CPSF7: variants seen among roughly 807,000 people sequenced by gnomAD.
CPSF7 encodes cleavage and polyadenylation specific factor 7.
CPSF7 carries 1 observed loss-of-function variant against 44.3 expected under a neutral mutation model. The observed-to-expected ratio is 0.02, with a 90% CI of 0.01 to 0.11. The LOEUF is 0.11. CPSF7 is among the 10% of genes least tolerant of loss of function. The pLI is 1.00. For synonymous variants in CPSF7, 202 were observed against 222.0 expected (o/e 0.91, Z 0.80); for missense variants, 443 against 607.2 (o/e 0.73, Z 2.84).
intron 9 of CPSF7, among the ~76,000 whole-genome samples, chr11:61,409,575 G>A (rs1228354073): frequency 1.3e-5 from 2 of 152,048 alleles, no homozygotes; most frequent in African/African-American, 4.8e-5. Flanking sequence ...CCACCACAAA[G>A]CCTCTAAACC....
intron 6 of CPSF7, 121 bp downstream of exon 6, chr11:61,415,984 T>C (rs767361161): frequency 4.9e-6 from 5 of 1,028,988 alleles, no homozygotes; most frequent in Non-Finnish European, 7.1e-6. Context: ...GTCAATGCTA[T>C]GATAACAGAA....
At chr11:61,429,505 A>G (rs1565123803) in intron 1 of CPSF7, 27 of 526,032 alleles carry the variant, frequency 5.1e-5, no homozygotes, top group East Asian at 4.3e-4. Flanking sequence ...CGACCCGGGT[A>G]GCGCCGCGTC....
At chr11:61,418,089 A>G (rs1348752374) in intron 5 of CPSF7, among the ~76,000 whole-genome samples, 2 of 152,238 alleles carry the variant, frequency 1.3e-5, no homozygotes, top group East Asian at 3.8e-4. Context: ...TTGTCAAGGA[A>G]GAAGAGTGTG....
chr11:61,426,853 C>A (rs1355165029), intron 2 of CPSF7: 1 of 152,118 alleles, frequency 6.6e-6, no homozygotes, highest in Non-Finnish European at 1.5e-5. Flanking sequence ...TGGTGAAACC[C>A]CGTCTCTACT....
chr11:61,411,232 T>A lies in CPSF7; in HGVS notation c.1227-127A>T. 4.2e-6 allele frequency: 4 copies of A among 946,764 alleles called. No individual in the cohort carries two copies. The East Asian group carries it at 1.1e-4, about 25-fold the overall frequency. The allele number at this position is 946,764 out of a possible 1,614,324, so 58.6% of individuals were successfully genotyped here. A position where few individuals can be genotyped will look rare whatever the true frequency, so the allele number is the denominator to read the frequency against. On this transcript the variant is annotated intron_variant, in intron 8 of 9. Coordinates refer to ENST00000439958, the MANE Select transcript of CPSF7 (RefSeq NM_001142565.3). Reference sequence around the variant, plus strand: ...ATTACTCTATCATGGGCCTGCTGTCTGAGGATTTTAGCTCTTTGAGGACTA... The same window carrying A: ...ATTACTCTATCATGGGCCTGCTGTCAGAGGATTTTAGCTCTTTGAGGACTA...
chr11:61,427,720 C>T (rs1861523356), intron 2 of CPSF7, among the ~76,000 whole-genome samples: 1 of 150,994 alleles, frequency 6.6e-6, no homozygotes, highest in Non-Finnish European at 1.5e-5. Context: ...TTTAAAGGAC[C>T]ACAGTTAACC....
chr11:61,424,632 T>C (rs1004040940), intron 2 of CPSF7, among the ~76,000 whole-genome samples: 1 of 152,220 alleles, frequency 6.6e-6, no homozygotes, highest in African/African-American at 2.4e-5. Flanking sequence ...TTTGTATTTT[T>C]AGTAGAGATG....
intron 3 of CPSF7, chr11:61,420,986 C>T (rs971883670): frequency 3.3e-6 from 3 of 921,208 alleles, no homozygotes; most frequent in Non-Finnish European, 4.7e-6. Flanking sequence ...AAATAACTTG[C>T]AGAACAACAG....
At chr11:61,415,566 T>C in intron 7 of CPSF7, 100 bp downstream of exon 7, 1 of 787,392 alleles carries the variant, frequency 1.3e-6, no homozygotes, top group Non-Finnish European at 2.2e-6. Flanking sequence ...TCTACAGTAC[T>C]CCAACTTTAT....
At chr11:61,409,843 C>T (rs895903412) in intron 9 of CPSF7, among the ~76,000 whole-genome samples, 3 of 151,820 alleles carry the variant, frequency 2.0e-5, no homozygotes, top group East Asian at 1.9e-4. Flanking sequence ...CGTGGTGACG[C>T]GCGCCTGTAG....
chr11:61,426,546 T>C (rs1861360268), intron 2 of CPSF7: 1 of 152,202 alleles, frequency 6.6e-6, no homozygotes, highest in African/African-American at 2.4e-5. Flanking sequence ...ACCTTTAGCC[T>C]GTCTTAGACC....
chr11:61,418,667 T>C (rs1024924354), intron 5 of CPSF7, among the ~76,000 whole-genome samples: 1 of 151,848 alleles, frequency 6.6e-6, no homozygotes, highest in Non-Finnish European at 1.5e-5. Context: ...GAGAGTAAGA[T>C]GGACATTGGG....
intron 9 of CPSF7, among the ~76,000 whole-genome samples, chr11:61,408,337 G>C (rs1312026904): frequency 1.3e-5 from 2 of 152,152 alleles, no homozygotes; most frequent in Non-Finnish European, 2.9e-5. Context: ...TCAATCTCCT[G>C]ACCTCGTGAT....
chr11:61,422,010 C>A (rs573719684), intron 2 of CPSF7, among the ~76,000 whole-genome samples: 4 of 152,262 alleles, frequency 2.6e-5, no homozygotes. Context: ...TTTCCAAAAT[C>A]AAGTGTTACA....
chr11:61,409,530 C>T (rs183334344), intron 9 of CPSF7, among the ~76,000 whole-genome samples: 7 of 152,162 alleles, frequency 4.6e-5, no homozygotes, highest in African/African-American at 1.4e-4. Flanking sequence ...AAGTCTTTTC[C>T]AAAAGCAAAA....
intron 8 of CPSF7, 84 bp downstream of exon 8, chr11:61,411,685 C>A: frequency 7.7e-7 from 1 of 1,299,662 alleles, no homozygotes; most frequent in South Asian, 1.5e-5. Context: ...TTCCCAGATT[C>A]CCTGGGCTCC....
chr11:61,420,110 T>A lies in CPSF7; in HGVS notation c.378-16A>T. ...CTCAGCATACCTTAGGAAAGAAAAA[T>A]TAAAAATGAATGAAATCTGTAGACA... On this transcript the variant is annotated splice_polypyrimidine_tract_variant and intron_variant, in intron 4 of 9. Transcript: ENST00000439958. The A allele has an allele frequency of 1.9e-6, 3 of 1,579,596 alleles. No homozygotes were observed. The South Asian group carries it at 3.5e-5, about 18-fold the overall frequency.
chr11:61,428,351 G>GT (rs199683378), intron 2 of CPSF7, among the ~76,000 whole-genome samples: 19 of 151,130 alleles, frequency 1.3e-4, no homozygotes, highest in East Asian at 9.7e-4. Context: ...TCTCGTTGTT[G>GT]TTTTTTTTTA....
intron 7 of CPSF7, among the ~76,000 whole-genome samples, chr11:61,412,342 G>T (rs371145171): frequency 6.7e-6 from 1 of 150,262 alleles, no homozygotes; most frequent in East Asian, 2.0e-4. Context: ...AGGCTGGAGT[G>T]CAGTGGCCGT....
Sources: allele counts gnomAD v4.1 joint callset (sites outside exome capture counted in the v4.1 genomes callset), GRCh38; gene constraint gnomAD v4.1.1; transcripts MANE v1.5; gene names NCBI Gene and HGNC (gene_info 2026-07-23, HGNC 2026-07-21).